FBXO43: variants seen among roughly 807,000 people sequenced by gnomAD.
FBXO43 encodes F-box only protein 43.
In FBXO43, 22 loss-of-function variants were observed where a neutral mutation model predicts 56.7. The ratio of observed to expected loss-of-function variants is 0.39; its 90% CI spans 0.28 to 0.55. The LOEUF is 0.55. FBXO43 is among the 20% of genes least tolerant of loss of function. FBXO43 has a pLI of 0.66. For missense variants in FBXO43, 733 were observed against 814.9 expected (o/e 0.90, Z 1.22); for synonymous variants, 306 against 294.5 (o/e 1.04, Z -0.40).
At chr8:100,137,297 T>C in intron 3 of FBXO43, 2 of 255,888 alleles carry the variant, frequency 7.8e-6, no homozygotes, top group South Asian at 9.8e-5. Context: ...CCTGACCTCG[T>C]GATCCGCCCG....
chr8:100,140,895 G>C lies in FBXO43; in HGVS notation c.1359C>G (p.Ser453Arg), dbSNP rs757733710. ...TATTTTCCTGTAATCTTTTCCTCTT[G>C]CTTTTCATGAACAGCTCATGTACCA... ...LQLVHELFMK[S>R]KRKRLQENSG... The change falls in exon 2 of 5, where the codon AGC becomes AGG. Residue 453 changes from serine (S) to arginine (R), a missense_variant. Transcript: ENST00000428847. 1.2e-6 allele frequency: 2 copies of C among 1,614,014 alleles called. No homozygotes were observed. Among genetic ancestry groups the C allele is most frequent in the South Asian group, 2.2e-5 (2 of 91,050 alleles).
intron 2 of FBXO43, among the ~76,000 whole-genome samples, chr8:100,140,102 CTCTT>C (rs1814590422): frequency 6.6e-6 from 1 of 152,182 alleles, no homozygotes; most frequent in South Asian, 2.1e-4. Flanking sequence ...TTTAGCAACT[CTCTT>C]TCCAAATAAC....
upstream of FBXO43, among the ~76,000 whole-genome samples, chr8:100,146,587 T>C (rs1437468617): frequency 5.9e-5 from 9 of 152,224 alleles, no homozygotes; most frequent in Non-Finnish European, 1.3e-4. Context: ...AAATATTTAC[T>C]GGGCGTCTAT....
At chr8:100,148,033 T>TTAC (rs2132153026), upstream of FBXO43, among the ~76,000 whole-genome samples, 2 of 152,314 alleles carry the variant, frequency 1.3e-5, no homozygotes, top group South Asian at 4.1e-4. Flanking sequence ...TCTGTGTAGT[T>TTAC]TACTACCTTC....
intron 2 of FBXO43, among the ~76,000 whole-genome samples, chr8:100,140,482 A>G (rs1814603517): frequency 6.7e-6 from 1 of 148,244 alleles, no homozygotes; most frequent in African/African-American, 2.6e-5. Flanking sequence ...AGAAAAAAAC[A>G]AAACAAAACA....
At chr8:100,148,574 G>C (rs1814869172), upstream of FBXO43, among the ~76,000 whole-genome samples, 3 of 152,230 alleles carry the variant, frequency 2.0e-5, no homozygotes, top group South Asian at 6.2e-4. Context: ...ACCATGTCTG[G>C]CTAATTTTTT....
upstream of FBXO43, among the ~76,000 whole-genome samples, chr8:100,148,760 G>GAACTCTAA (rs1429679795): frequency 1.3e-5 from 2 of 151,018 alleles, no homozygotes; most frequent in African/African-American, 4.8e-5. Context: ...ACTAATTTCA[G>GAACTCTAA]AACTCTAAAA....
At chr8:100,146,386 A>G (rs1814831870), upstream of FBXO43, among the ~76,000 whole-genome samples, 1 of 152,162 alleles carries the variant, frequency 6.6e-6, no homozygotes, top group Admixed American at 6.5e-5. Context: ...CACTTGAGCC[A>G]AGGAATTTGA....
At chr8:100,135,610 A>AT (rs1433105523) in intron 3 of FBXO43, among the ~76,000 whole-genome samples, 331 of 147,652 alleles carry the variant, frequency 2.2e-3, no homozygotes, top group African/African-American at 3.3e-3. Context: ...TAAGGATATA[A>AT]TTTTTTTTTT....
chr8:100,140,848 T>G lies in FBXO43; in HGVS notation c.1406A>C (p.Gln469Pro). 1 of 1,614,242 alleles carries G rather than the reference T, an allele frequency of 6.2e-7. No homozygotes were observed. Among genetic ancestry groups the G allele is most frequent in the Non-Finnish European group, 8.5e-7 (1 of 1,180,040 alleles). The change falls in exon 2 of 5, where the codon CAA becomes CCA. Residue 469 changes from glutamine to proline, a missense_variant. Coordinates refer to ENST00000428847, the MANE Select transcript of FBXO43 (RefSeq NM_001029860.4). ...TACAGCTATTTTCTCCCCATCCCCT[T>G]GCTCTAAGAATTCATGTCCACTATT... is the stretch of plus-strand genomic sequence containing the variant. Reference protein sequence around the residue: ...QENSGHEFLEQGDGEKIAVLQ... With the variant: ...QENSGHEFLEPGDGEKIAVLQ...
intron 3 of FBXO43, 123 bp downstream of exon 3, chr8:100,137,442 G>T: frequency 3.2e-6 from 2 of 625,372 alleles, no homozygotes; most frequent in Non-Finnish European, 2.8e-6. Context: ...AGGAATTTAT[G>T]AGTGAATGTT....
In FBXO43 at chr8:100,140,963, T is replaced by A; in HGVS notation, c.1291A>T (p.Thr431Ser). Residue 431 changes from threonine to serine, a missense_variant, in exon 2 of 5, where the codon ACC (threonine) becomes TCC (serine). Thr to Ser is a moderately conservative substitution (Grantham distance 58). Transcript: ENST00000428847. ...TTTGATAAATTCTTTAAGCTAAAGG[T>A]CAAATCCCCACTCTCATCACTACTC... is the stretch of plus-strand genomic sequence containing the variant. Reference protein sequence around the residue: ...QLSSDESGDLTFSLKNLSKTP... With the variant: ...QLSSDESGDLSFSLKNLSKTP... 6.2e-7 allele frequency: 1 copy of A among 1,614,224 alleles called. No homozygotes were observed. The highest frequency in any genetic ancestry group is 8.5e-7 in the Non-Finnish European group (1 of 1,180,038).
rs1427224009 is a variant in FBXO43 at position 100,140,672 on chromosome 8, T to C, written c.1571+11A>G. ...AGAAGTTTTATTTCATAAACAACTC[T>C]TACTTCTTACCTGCATAGGCTCTCT... On this transcript the variant is annotated intron_variant, in intron 2 of 4. Transcript: ENST00000428847. 2 of 1,545,244 alleles carry C rather than the reference T, an allele frequency of 1.3e-6. No homozygotes were observed. The highest frequency in any genetic ancestry group is 1.3e-5 in the South Asian group (1 of 78,238).
chr8:100,138,365 G>C (rs1430957062), intron 2 of FBXO43, among the ~76,000 whole-genome samples: 1 of 152,108 alleles, frequency 6.6e-6, no homozygotes, highest in Admixed American at 6.5e-5. Context: ...TTCTTACGGA[G>C]GGTCCCAGTT....
At position 100,140,944 on chromosome 8, in the gene FBXO43, A is replaced by G. The variant is rs1453141132; in HGVS notation, c.1310T>C (p.Leu437Ser). 6.2e-7 allele frequency: 1 copy of G among 1,614,088 alleles called. No homozygotes were observed. The highest frequency in any genetic ancestry group is 2.2e-5 in the East Asian group (1 of 44,902). The change falls in exon 2 of 5, where the codon TTA becomes TCA. Residue 437 changes from leucine to serine, a missense_variant. Transcript: ENST00000428847. ...CAATTGCAAGGCTGGGGTCTTTGAT[A>G]AATTCTTTAAGCTAAAGGTCAAATC... Reference protein sequence around the residue: ...SGDLTFSLKNLSKTPALQLVH... With the variant: ...SGDLTFSLKNSSKTPALQLVH...
Position 100,141,530 on chromosome 8 carries a change from A to T in FBXO43, c.724T>A (p.Cys242Ser). 2 of 1,612,166 alleles carry T rather than the reference A, an allele frequency of 1.2e-6. No homozygotes were observed. Among genetic ancestry groups the T allele is most frequent in the Non-Finnish European group, 1.7e-6 (2 of 1,180,034 alleles). ...ATACATTCAACTTCAAATAGGCTAC[A>T]ATCATCTTTGGAATCATCAATTGTG... ...TSTIDDSKDD[C>S]SLFEVECISP... The change falls in exon 2 of 5, where the codon TGT becomes AGT. Residue 242 changes from cysteine to serine, a missense_variant. By Grantham distance (112) the Cys-to-Ser change is moderately radical. Transcript: ENST00000428847.
upstream of FBXO43, among the ~76,000 whole-genome samples, chr8:100,148,663 T>C (rs1428142411): frequency 1.3e-5 from 2 of 152,232 alleles, no homozygotes; most frequent in Admixed American, 1.3e-4. Flanking sequence ...TCTGCCCGCC[T>C]CAGCCTCCCA....
intron 1 of FBXO43, among the ~76,000 whole-genome samples, chr8:100,142,567 T>G (rs1814694306): frequency 6.6e-6 from 1 of 151,576 alleles, no homozygotes; most frequent in East Asian, 1.9e-4. Flanking sequence ...CCAGCCTATA[T>G]TAGTCTACTC....
In FBXO43 at chr8:100,140,700, G is replaced by A. The variant is rs199780921; in HGVS notation, c.1554C>T (p.Thr518=). The change falls in exon 2 of 5, where the codon ACC becomes ACT. Residue 518 remains threonine (T), a synonymous_variant. Transcript: ENST00000428847. ...CTTCTTACCTGCATAGGCTCTCTGC[G>A]GTCAAGGACTCTAAAACCATAGCAA... The part of the protein sequence containing the change: ...HILAMVLESL[T]AESLCSVWKV... 41 of 1,596,556 alleles carry A rather than the reference G, an allele frequency of 2.6e-5. No homozygotes were observed. Among genetic ancestry groups the A allele is most frequent in the South Asian group, 4.6e-5 (4 of 87,220 alleles).
Sources: allele counts gnomAD v4.1 joint callset (sites outside exome capture counted in the v4.1 genomes callset), GRCh38; gene constraint gnomAD v4.1.1; transcripts MANE v1.5; gene names NCBI Gene and HGNC (gene_info 2026-07-23, HGNC 2026-07-21).